Variants in IGSF21 observed in about 807,000 individuals in gnomAD.
IGSF21 encodes immunoglobulin superfamily member 21.
In IGSF21, 28 loss-of-function variants were observed where a neutral mutation model predicts 46.8. The observed-to-expected ratio is 0.60, with a 90% CI of 0.44 to 0.82. IGSF21 has a LOEUF of 0.82. Ranked by LOEUF, IGSF21 falls within the 40% of genes least tolerant of loss-of-function variation. The pLI, the probability that IGSF21 is intolerant of heterozygous loss-of-function variation, is 0.00. For missense variants in IGSF21, 624 were observed against 665.5 expected (o/e 0.94, Z 0.69); for synonymous variants, 284 against 273.6 (o/e 1.04, Z -0.38).
intron 3 of IGSF21, among the ~76,000 whole-genome samples, chr1:18,315,110 C>A (rs530332976): frequency 6.6e-6 from 1 of 151,980 alleles, no homozygotes; most frequent in African/African-American, 2.4e-5. Context: ...GAGAGTGTGG[C>A]GATGGGGCGG....
chr1:18,217,783 G>A (rs1227168541), intron 1 of IGSF21, among the ~76,000 whole-genome samples: 1 of 152,230 alleles, frequency 6.6e-6, no homozygotes, highest in Non-Finnish European at 1.5e-5. Flanking sequence ...TGGACTCAGA[G>A]TCAAAGGGCC....
intron 9 of IGSF21, 23 bp from the exon 10 acceptor site, chr1:18,378,233 C>A (rs766517761): frequency 6.2e-6 from 10 of 1,610,736 alleles, no homozygotes; most frequent in Admixed American, 5.0e-5. Flanking sequence ...AGGCTCTGAC[C>A]CTTTCCCTGA....
At chr1:18,226,906 C>T (rs886672317) in intron 1 of IGSF21, among the ~76,000 whole-genome samples, 10 of 152,170 alleles carry the variant, frequency 6.6e-5, no homozygotes, top group Admixed American at 1.3e-4. Context: ...CTCGGAACTG[C>T]GGTGAAGGTC....
intron 4 of IGSF21, among the ~76,000 whole-genome samples, chr1:18,352,224 A>G (rs1402804109): frequency 1.3e-5 from 2 of 151,746 alleles, no homozygotes; most frequent in Non-Finnish European, 2.9e-5. Context: ...AATCATCTTC[A>G]CTCCTGTTGA....
intron 1 of IGSF21, among the ~76,000 whole-genome samples, chr1:18,181,512 C>T (rs1281608625): frequency 6.6e-6 from 1 of 152,180 alleles, no homozygotes; most frequent in East Asian, 1.9e-4. Flanking sequence ...GGGAGCAGGG[C>T]ACCAGCCAGT....
At chr1:18,271,553 T>A (rs2085042765) in intron 2 of IGSF21, among the ~76,000 whole-genome samples, 5 of 152,214 alleles carry the variant, frequency 3.3e-5, no homozygotes. Context: ...TCTGAAAATC[T>A]TTCCTCCTCC....
In IGSF21 at chr1:18,346,424, C is replaced by A. The variant is rs117639236; in HGVS notation, c.424+11414C>A. ...TTTGGGCGTAGAGGAAATGCTTGGC[C>A]CAGATGCTGGCATCATTGTTAGGAC... On this transcript the variant is annotated intron_variant, in intron 4 of 9. Coordinates refer to ENST00000251296, the MANE Select transcript of IGSF21 (RefSeq NM_032880.5). Among the ~76,000 whole-genome samples the A allele has an allele frequency of 3.3e-5, 5 of 152,156 alleles. No homozygotes were observed. In the East Asian group the frequency reaches 9.7e-4, roughly 29 times the overall value.
intron 1 of IGSF21, among the ~76,000 whole-genome samples, chr1:18,154,235 C>T (rs973193758): frequency 6.6e-6 from 1 of 152,164 alleles, no homozygotes; most frequent in African/African-American, 2.4e-5. Flanking sequence ...TGCCTCTCTG[C>T]CTGGGCTCTC....
At chr1:18,178,277 A>T (rs981022585) in intron 1 of IGSF21, among the ~76,000 whole-genome samples, 1 of 152,130 alleles carries the variant, frequency 6.6e-6, no homozygotes, top group African/African-American at 2.4e-5. Context: ...TATTCTTTAC[A>T]ATTAAGCTGT....
chr1:18,201,516 C>T (rs550710480), intron 1 of IGSF21, among the ~76,000 whole-genome samples: 1 of 152,168 alleles, frequency 6.6e-6, no homozygotes, highest in African/African-American at 2.4e-5. Flanking sequence ...CCCAGAGGAA[C>T]CTCTAGCCTG....
At chr1:18,225,004 G>A (rs2084546943) in intron 1 of IGSF21, among the ~76,000 whole-genome samples, 1 of 151,546 alleles carries the variant, frequency 6.6e-6, no homozygotes, top group African/African-American at 2.4e-5. Context: ...GGTGGAGGCT[G>A]CAGTGAGCCA....
At chr1:18,307,112 C>T (rs1250879492) in intron 3 of IGSF21, among the ~76,000 whole-genome samples, 2 of 151,922 alleles carry the variant, frequency 1.3e-5, no homozygotes, top group Admixed American at 6.6e-5. Context: ...TACATATTTC[C>T]TTCCTTGACA....
chr1:18,110,309 CCCTCCTT>C (rs1052733707), intron 1 of IGSF21: 4 of 152,306 alleles, frequency 2.6e-5, no homozygotes, highest in Admixed American at 6.5e-5. Context: ...AGGGTGGGGT[CCCTCCTT>C]CCTCCTTCCA....
At chr1:18,192,552 G>A (rs2086967879) in intron 1 of IGSF21, among the ~76,000 whole-genome samples, 1 of 152,198 alleles carries the variant, frequency 6.6e-6, no homozygotes, top group African/African-American at 2.4e-5. Context: ...AGAGGGTAAG[G>A]CCATTGCCAG....
chr1:18,327,913 A>G (rs1283292759), intron 3 of IGSF21, among the ~76,000 whole-genome samples: 1 of 152,234 alleles, frequency 6.6e-6, no homozygotes, highest in Non-Finnish European at 1.5e-5. Flanking sequence ...ATTGAAACAA[A>G]CAAAGGCAAG....
intron 1 of IGSF21, among the ~76,000 whole-genome samples, chr1:18,170,307 C>T (rs1228712174): frequency 1.3e-5 from 2 of 151,978 alleles, no homozygotes; most frequent in African/African-American, 4.8e-5. Flanking sequence ...AGCCAGTGAC[C>T]ATTTCTGAGT....
chr1:18,342,814 C>T (rs895581116), intron 4 of IGSF21, among the ~76,000 whole-genome samples: 5 of 152,252 alleles, frequency 3.3e-5, no homozygotes, highest in East Asian at 3.9e-4. Context: ...GGATAGATCG[C>T]GTTTTGTTTA....
At chr1:18,276,230 T>C in intron 2 of IGSF21, among the ~76,000 whole-genome samples, 1 of 152,114 alleles carries the variant, frequency 6.6e-6, no homozygotes, top group South Asian at 2.1e-4. Flanking sequence ...ATTCTAATGC[T>C]TCCCCTGGTG....
intron 1 of IGSF21, among the ~76,000 whole-genome samples, chr1:18,205,019 C>A (rs772429630): frequency 6.6e-6 from 1 of 151,950 alleles, no homozygotes; most frequent in African/African-American, 2.4e-5. Flanking sequence ...AGTTTTAGAT[C>A]GTTATCATGT....
Sources: allele counts gnomAD v4.1 joint callset (sites outside exome capture counted in the v4.1 genomes callset), GRCh38; gene constraint gnomAD v4.1.1; transcripts MANE v1.5; gene names NCBI Gene and HGNC (gene_info 2026-07-23, HGNC 2026-07-21).